FHIT: variants seen among roughly 807,000 people sequenced by gnomAD.
FHIT encodes the protein bis(5'-adenosyl)-triphosphatase.
Under a neutral mutation model 17.9 loss-of-function variants are expected in FHIT, and 19 were observed. The ratio of observed to expected loss-of-function variants is 1.06; its 90% CI spans 0.74 to 1.56. The LOEUF is 1.56. Among genes scored for constraint, FHIT ranks in the 40% most tolerant of loss-of-function variants. The pLI, the probability that FHIT is intolerant of heterozygous loss-of-function variation, is 0.00. For missense variants in FHIT, 248 were observed against 189.2 expected (o/e 1.31, Z -1.82); for synonymous variants, 81 against 69.7 (o/e 1.16, Z -0.81).
At chr3:60,336,226 T>C (rs1710233231) in intron 5 of FHIT, among the ~76,000 whole-genome samples, 1 of 152,294 alleles carries the variant, frequency 6.6e-6, no homozygotes, top group African/African-American at 2.4e-5. Flanking sequence ...TTGCCACTTC[T>C]CTCTAATATG....
chr3:60,988,710 A>G (rs954786755), intron 3 of FHIT, among the ~76,000 whole-genome samples: 3 of 152,152 alleles, frequency 2.0e-5, no homozygotes, highest in African/African-American at 7.2e-5. Context: ...CAGCCTTGAC[A>G]AGGTAAAGGG....
intron 5 of FHIT, among the ~76,000 whole-genome samples, chr3:60,281,381 T>C (rs1707443846): frequency 6.6e-6 from 1 of 151,998 alleles, no homozygotes; most frequent in African/African-American, 2.4e-5. Context: ...GAATAGCCAA[T>C]AAAATATTGA....
chr3:60,736,897 G>C (rs1285806062), intron 4 of FHIT, among the ~76,000 whole-genome samples: 3 of 152,136 alleles, frequency 2.0e-5, no homozygotes, highest in African/African-American at 7.2e-5. Flanking sequence ...CAATATTAAA[G>C]TGACGTTCTT....
chr3:60,459,140 CA>C (rs1553777499), intron 5 of FHIT, among the ~76,000 whole-genome samples: 1 of 152,108 alleles, frequency 6.6e-6, no homozygotes, highest in Non-Finnish European at 1.5e-5. Context: ...ATGTCATACT[CA>C]ATTCTAGCTT....
chr3:61,209,645 C>T (rs1399790193), intron 1 of FHIT, among the ~76,000 whole-genome samples: 4 of 152,168 alleles, frequency 2.6e-5, no homozygotes, highest in African/African-American at 9.7e-5. Flanking sequence ...GTTCTCGTGC[C>T]TTGGTTTTCA....
At chr3:60,604,271 G>T (rs1347672701) in intron 4 of FHIT, among the ~76,000 whole-genome samples, 1 of 152,330 alleles carries the variant, frequency 6.6e-6, no homozygotes, top group Admixed American at 6.5e-5. Context: ...GACCACAAAA[G>T]TGAGGGGAAT....
intron 3 of FHIT, among the ~76,000 whole-genome samples, chr3:60,919,517 T>C (rs539693540): frequency 6.6e-6 from 1 of 151,904 alleles, no homozygotes; most frequent in Non-Finnish European, 1.5e-5. Context: ...ATTCATGGTG[T>C]GGAGAAACCA....
intron 5 of FHIT, among the ~76,000 whole-genome samples, chr3:60,165,302 T>C (rs551170369): frequency 5.3e-5 from 8 of 152,322 alleles, no homozygotes; most frequent in East Asian, 3.9e-4. Context: ...GTTGTTTCCA[T>C]GTCTGTTATT....
intron 4 of FHIT, among the ~76,000 whole-genome samples, chr3:60,810,735 A>C (rs563314473): frequency 6.6e-6 from 1 of 152,144 alleles, no homozygotes; most frequent in East Asian, 1.9e-4. Context: ...CAAAATATAG[A>C]TATTTAAAGT....
intron 5 of FHIT, among the ~76,000 whole-genome samples, chr3:60,105,222 G>T (rs1294750197): frequency 6.6e-6 from 1 of 152,116 alleles, no homozygotes; most frequent in African/African-American, 2.4e-5. Flanking sequence ...GCACTCACTG[G>T]TTCTGAGTAT....
chr3:60,239,328 G>C (rs1043066491), intron 5 of FHIT, among the ~76,000 whole-genome samples: 1 of 152,110 alleles, frequency 6.6e-6, no homozygotes, highest in Non-Finnish European at 1.5e-5. Context: ...GATTTGGAAG[G>C]CTAAGGTGGG....
intron 2 of FHIT, among the ~76,000 whole-genome samples, chr3:61,051,233 A>G (rs6791496): frequency 0.6 from 90,363 of 151,850 alleles, 29,167 homozygotes; most frequent in East Asian, 0.86. Flanking sequence ...CTTTGGCTCC[A>G]TAAGTACCAC....
At chr3:61,208,838 T>G (rs1454039980) in intron 1 of FHIT, among the ~76,000 whole-genome samples, 1 of 152,082 alleles carries the variant, frequency 6.6e-6, no homozygotes, top group Non-Finnish European at 1.5e-5. Context: ...TATTCTTATG[T>G]GTGAATCTGA....
intron 4 of FHIT, among the ~76,000 whole-genome samples, chr3:60,681,059 T>C (rs1358630112): frequency 6.6e-6 from 1 of 152,238 alleles, no homozygotes; most frequent in Non-Finnish European, 1.5e-5. Context: ...CTTGTTTTAC[T>C]GCACTTTGTT....
At chr3:60,633,459 A>C (rs927889200) in intron 4 of FHIT, among the ~76,000 whole-genome samples, 2 of 152,232 alleles carry the variant, frequency 1.3e-5, no homozygotes, top group Non-Finnish European at 2.9e-5. Context: ...TTAAGTATAA[A>C]GCGGTAATCT....
At chr3:60,636,818 T>C (rs1370072527) in intron 4 of FHIT, among the ~76,000 whole-genome samples, 4 of 152,214 alleles carry the variant, frequency 2.6e-5, no homozygotes, top group Non-Finnish European at 5.9e-5. Context: ...CTTGGTCTTT[T>C]ATTCAATCAT....
chr3:60,795,057 A>T (rs1410932251), intron 4 of FHIT, among the ~76,000 whole-genome samples: 1 of 152,172 alleles, frequency 6.6e-6, no homozygotes, highest in East Asian at 1.9e-4. Flanking sequence ...ATGCACAAGG[A>T]CACACACTTT....
rs148743031 is a variant in FHIT, at chr3:59,937,343, G to T, written c.280-14929C>A. ...GAAGGAACAAAGGACCCTTCACAGT[G>T]TGATAAGATACAGATAGTCAGCCTC... On this transcript the variant is annotated intron_variant, in intron 7 of 9. Coordinates refer to ENST00000492590, the MANE Select transcript of FHIT (RefSeq NM_002012.4). Among the ~76,000 whole-genome samples the T allele has an allele frequency of 7.2e-5, 11 of 152,294 alleles. 1 individual carries two copies. In the East Asian group the frequency reaches 2.1e-3, roughly 29 times the overall value.
chr3:61,100,768 C>A (rs149650463), intron 2 of FHIT, among the ~76,000 whole-genome samples: 3 of 152,120 alleles, frequency 2.0e-5, no homozygotes, highest in African/African-American at 7.2e-5. Context: ...GGCATAAGAT[C>A]GTATCTCATC....
Sources: gnomAD v4.1 joint callset for allele counts (sites outside exome capture counted in the v4.1 genomes callset) on GRCh38, gnomAD v4.1.1 for gene constraint, MANE v1.5 for transcripts, NCBI Gene and HGNC (gene_info 2026-07-23, HGNC 2026-07-21) for gene names.